The following MUTYH variants were observed in gnomAD, a reference collection of about 807,000 sequenced individuals.
MUTYH encodes adenine DNA glycosylase.
In MUTYH, 64 loss-of-function variants were observed where a neutral mutation model predicts 72.9. The ratio of observed to expected loss-of-function variants is 0.88; its 90% CI spans 0.72 to 1.08. The LOEUF is 1.08. Ranked by LOEUF, MUTYH falls within the 50% of genes least tolerant of loss-of-function variation. The pLI is 0.00. For missense variants in MUTYH, 633 were observed against 671.0 expected (o/e 0.94, Z 0.63); for synonymous variants, 234 against 263.1 (o/e 0.89, Z 1.07).
At chr1:45,334,127 T>A (rs1487649377) in intron 2 of MUTYH, 1 of 439,966 alleles carries the variant, frequency 2.3e-6, no homozygotes, top group East Asian at 4.9e-5. Flanking sequence ...TCACCTCAGC[T>A]TCCCGAGTAG....
upstream of MUTYH, chr1:45,340,209 T>A: frequency 1.2e-6 from 2 of 1,613,674 alleles, no homozygotes; most frequent in Non-Finnish European, 8.5e-7. Flanking sequence ...GGACCGCAAG[T>A]CCAGCGTACC....
chr1:45,331,864 C>A lies in MUTYH; in HGVS notation c.914-15G>T. The A allele has an allele frequency of 1.3e-6, 2 of 1,599,814 alleles. No homozygotes were observed. Among genetic ancestry groups the A allele is most frequent in the Middle Eastern group, 1.8e-4 (1 of 5,632 alleles). Reference sequence around the variant, plus strand: ...AGTGTTGGGAGCTGGGAACGGAGATCCCCGAACCCTACTCAAGCCAAGAGG... The same window carrying A: ...AGTGTTGGGAGCTGGGAACGGAGATACCCGAACCCTACTCAAGCCAAGAGG... On this transcript the variant is annotated splice_polypyrimidine_tract_variant and intron_variant, in intron 11 of 15. Coordinates refer to ENST00000456914, the MANE Select transcript of MUTYH (RefSeq NM_001048174.2).
At chr1:45,329,537 G>T in intron 15 of MUTYH, 100 bp from the exon 16 acceptor site, 1 of 1,479,988 alleles carries the variant, frequency 6.8e-7, no homozygotes, top group South Asian at 1.2e-5. Flanking sequence ...TACTGATCTA[G>T]CTAGGCTTAG....
At chr1:45,330,414 T>C in intron 15 of MUTYH, 102 bp downstream of exon 15, 1 of 1,297,608 alleles carries the variant, frequency 7.7e-7, no homozygotes, top group Middle Eastern at 1.8e-4. Context: ...CAGTGAAGCC[T>C]GGAGTGGAGA....
chr1:45,329,839 T>G, intron 15 of MUTYH: 1 of 187,322 alleles, frequency 5.3e-6, no homozygotes. Context: ...CTACGGTTGA[T>G]TCCCCTCCCA....
chr1:45,333,935 T>C (rs1477275052), intron 2 of MUTYH, among the ~76,000 whole-genome samples: 2 of 152,204 alleles, frequency 1.3e-5, no homozygotes, highest in East Asian at 3.8e-4. Context: ...TCCATTTTAC[T>C]GGTAAGAAAG....
At chr1:45,336,730 A>T (rs1645956775) in intron 1 of MUTYH, among the ~76,000 whole-genome samples, 1 of 152,198 alleles carries the variant, frequency 6.6e-6, no homozygotes, top group South Asian at 2.1e-4. Flanking sequence ...GGTGAAATAA[A>T]CAGCCTTGTT....
chr1:45,332,514 G>T (rs1315393520), intron 8 of MUTYH, 26 bp from the exon 9 acceptor site: 1 of 1,614,046 alleles, frequency 6.2e-7, no homozygotes, highest in Admixed American at 1.7e-5. Context: ...CAAAGAGTTA[G>T]CCTGGGCTGG....
At position 45,331,333 on chromosome 1, in the gene MUTYH, A is replaced by C. The variant is rs2149114997; in HGVS notation, c.1241T>G (p.Val414Gly). The C allele has an allele frequency of 6.2e-7, 1 of 1,614,194 alleles. No homozygotes were observed. Among genetic ancestry groups the C allele is most frequent in the Non-Finnish European group, 8.5e-7 (1 of 1,180,038 alleles). ...PATHLRHLGEVVHTFSHIKLT... is the reference protein window; with the variant it reads ...PATHLRHLGEGVHTFSHIKLT... ...CTTGATGTGAGAGAAGGTGTGGACA[A>C]CCTGGAGGAAGGGTCAAGGGGTTCA... The change falls in exon 14 of 16, where the codon GTT becomes GGT. Residue 414 changes from valine to glycine, a missense_variant and splice_region_variant. By Grantham distance (109) the Val-to-Gly change is moderately radical. Coordinates refer to ENST00000456914, the MANE Select transcript of MUTYH (RefSeq NM_001048174.2).
At position 45,331,445 on chromosome 1, in the gene MUTYH, G is replaced by A. The variant is rs1557459395; in HGVS notation, c.1214C>T (p.Ala405Val). 1.2e-6 allele frequency: 2 copies of A among 1,614,242 alleles called. No homozygotes were observed. The highest frequency in any genetic ancestry group is 1.7e-6 in the Non-Finnish European group (2 of 1,180,046). ...CTCCCCAAGGTGCCGGAGGTGCGTG[G>A]CTGGGAGGGGCCCAGCCCAACGCTG... is the stretch of plus-strand genomic sequence containing the variant. ...ELQRWAGPLP[A>V]THLRHLGEVV... Residue 405 changes from alanine (A) to valine (V), a missense_variant, in exon 13 of 16, where the codon GCC becomes GTC. By Grantham distance (64) the Ala-to-Val change is moderately conservative. Transcript: ENST00000456914.
intron 1 of MUTYH, among the ~76,000 whole-genome samples, chr1:45,339,182 G>A (rs1449108894): frequency 6.6e-6 from 1 of 151,668 alleles, no homozygotes; most frequent in African/African-American, 2.4e-5. Flanking sequence ...TAGTGTTTAC[G>A]GAGGGACTAG....
chr1:45,339,717 C>T (rs1570573635), intron 1 of MUTYH, 182 bp downstream of exon 1: 5 of 820,164 alleles, frequency 6.1e-6, no homozygotes, highest in Non-Finnish European at 7.2e-6. Flanking sequence ...CTCCCCGCCT[C>T]TTTCACTTTC....
rs1232031176 is a variant in MUTYH, at chr1:45,333,295, C to T, written c.294G>A (p.Arg98=). Reference sequence around the variant, plus strand: ...AGGAGATGTACTGACCAGCATATGCCCGCCTGTCCAGGTCCATCTCATCTT... The same window carrying T: ...AGGAGATGTACTGACCAGCATATGCTCGCCTGTCCAGGTCCATCTCATCTT... The part of the protein sequence containing the change: ...RAEDEMDLDR[R]AYAVWVSEVM... Residue 98 remains arginine, a synonymous_variant, in exon 4 of 16, where the codon CGG becomes CGA. Coordinates refer to ENST00000456914, the MANE Select transcript of MUTYH (RefSeq NM_001048174.2). 1.2e-6 allele frequency: 2 copies of T among 1,614,126 alleles called. No individual in the cohort carries two copies. Among genetic ancestry groups the T allele is most frequent in the African/African-American group, 2.7e-5 (2 of 74,946 alleles).
At position 45,332,224 on chromosome 1, in the gene MUTYH, G is replaced by T. The variant is rs780500491; in HGVS notation, c.791C>A (p.Pro264Gln). Residue 264 changes from proline to glutamine, a missense_variant, in exon 10 of 16, where the codon CCA becomes CAA. Transcript: ENST00000456914. Reference protein sequence around the residue: ...AMELGATVCTPQRPLCSQCPV... With the variant: ...AMELGATVCTQQRPLCSQCPV... ...GCACTGGCTGCACAGTGGGCGCTGTGGGGTACACACTGTGGCCCCTAGCTC... is the reference window on the plus strand; with the variant it reads ...GCACTGGCTGCACAGTGGGCGCTGTTGGGTACACACTGTGGCCCCTAGCTC... The T allele has an allele frequency of 6.2e-7, 1 of 1,614,200 alleles. No homozygotes were observed. Among genetic ancestry groups the T allele is most frequent in the Non-Finnish European group, 8.5e-7 (1 of 1,180,012 alleles).
At chr1:45,337,162 G>A (rs1352274057) in intron 1 of MUTYH, among the ~76,000 whole-genome samples, 4 of 125,152 alleles carry the variant, frequency 3.2e-5, no homozygotes, top group Non-Finnish European at 6.8e-5. Context: ...TTTTTTTTTT[G>A]GGATGGGGTC....
chr1:45,331,376 A>G (rs758202349), intron 13 of MUTYH, 42 bp from the exon 14 acceptor site: 4 of 1,614,214 alleles, frequency 2.5e-6, no homozygotes, highest in South Asian at 1.1e-5. Flanking sequence ...CTGTGGATAT[A>G]GCCTCAAAAG....
chr1:45,338,291 C>A lies in MUTYH; in HGVS notation c.-7+1608G>T, dbSNP rs559788723. Reference sequence around the variant, plus strand: ...GTGATCCGGGCACCATCCGCCTCATCCCCTCACTATGCTCTAGCCAAGGTT... The same window carrying A: ...GTGATCCGGGCACCATCCGCCTCATACCCTCACTATGCTCTAGCCAAGGTT... On this transcript the variant is annotated intron_variant, in intron 1 of 15. Transcript: ENST00000456914. 3.4e-4 allele frequency: 180 copies of A among 533,228 alleles called. 1 individual carries two copies. Among genetic ancestry groups the A allele is most frequent in the African/African-American group, 3.1e-3 (169 of 53,926 alleles). The allele number at this position is 533,228 out of a possible 1,614,324, so 33.0% of individuals were successfully genotyped here.
chr1:45,336,279 T>A (rs932690132), intron 1 of MUTYH, among the ~76,000 whole-genome samples: 1 of 151,938 alleles, frequency 6.6e-6, no homozygotes, highest in Non-Finnish European at 1.5e-5. Flanking sequence ...AGCCCAGGAG[T>A]TCGAGATTAG....
intron 1 of MUTYH, among the ~76,000 whole-genome samples, chr1:45,336,716 C>G (rs200526003): frequency 6.6e-6 from 1 of 152,198 alleles, no homozygotes; most frequent in African/African-American, 2.4e-5. Context: ...CCTGTCTGCA[C>G]CCAGGTGAAA....
Sources: allele counts gnomAD v4.1 joint callset (sites outside exome capture counted in the v4.1 genomes callset), GRCh38; gene constraint gnomAD v4.1.1; transcripts MANE v1.5; gene names NCBI Gene and HGNC (gene_info 2026-07-23, HGNC 2026-07-21).